PACS1: variants seen among roughly 807,000 people sequenced by gnomAD.
PACS1 encodes the protein phosphofurin acidic cluster sorting protein 1.
Under a neutral mutation model 115.0 loss-of-function variants are expected in PACS1, and 24 were observed. The observed-to-expected ratio is 0.21, with a 90% confidence interval of 0.15 to 0.29. PACS1 has a LOEUF of 0.29. Ranked by LOEUF, PACS1 falls within the 10% of genes least tolerant of loss-of-function variation. PACS1 has a pLI of 1.00. For missense variants in PACS1, 838 were observed against 1,251.2 expected (o/e 0.67, Z 4.98); for synonymous variants, 453 against 504.5 (o/e 0.90, Z 1.37).
intron 2 of PACS1, among the ~76,000 whole-genome samples, chr11:66,208,302 G>A (rs1461431977): frequency 1.3e-5 from 2 of 152,064 alleles, no homozygotes; most frequent in East Asian, 3.8e-4. Flanking sequence ...CGTGAGAGAT[G>A]AGCAGCTCAA....
At chr11:66,120,894 C>A (rs184110748) in intron 1 of PACS1, 2 of 407,090 alleles carry the variant, frequency 4.9e-6, no homozygotes, top group Non-Finnish European at 1.0e-5. Flanking sequence ...CAAGGGACGT[C>A]TTCATGAAGT....
chr11:66,117,359 G>A (rs1403762934), intron 1 of PACS1, among the ~76,000 whole-genome samples: 3 of 151,578 alleles, frequency 2.0e-5, no homozygotes, highest in Non-Finnish European at 4.4e-5. Context: ...TACTCAGGAG[G>A]CTGAGTCAAG....
intron 1 of PACS1, among the ~76,000 whole-genome samples, chr11:66,147,485 A>C (rs1859153475): frequency 6.6e-6 from 1 of 152,220 alleles, no homozygotes; most frequent in Non-Finnish European, 1.5e-5. Flanking sequence ...AAAGTAGTAA[A>C]GAACATTCTC....
chr11:66,135,816 C>T (rs1565120026), intron 1 of PACS1, among the ~76,000 whole-genome samples: 1 of 152,122 alleles, frequency 6.6e-6, no homozygotes, highest in African/African-American at 2.4e-5. Context: ...ACCACCATGC[C>T]TGGCTAATTT....
chr11:66,128,332 AGT>A (rs1858625007), intron 1 of PACS1, among the ~76,000 whole-genome samples: 1 of 152,262 alleles, frequency 6.6e-6, no homozygotes, highest in Non-Finnish European at 1.5e-5. Context: ...TTGTTAGTTA[AGT>A]GTGAAAATTG....
chr11:66,150,567 A>G (rs2134607693), intron 1 of PACS1, among the ~76,000 whole-genome samples: 1 of 152,342 alleles, frequency 6.6e-6, no homozygotes, highest in South Asian at 2.1e-4. Context: ...ATTTCTAAAG[A>G]CAATTAGGAC....
chr11:66,162,795 T>C (rs935506717), intron 1 of PACS1, among the ~76,000 whole-genome samples: 3 of 152,412 alleles, frequency 2.0e-5, no homozygotes, highest in African/African-American at 7.2e-5. Flanking sequence ...CTAAGACTAA[T>C]GCGTCTATTA....
At chr11:66,104,212 G>A (rs770756207) in intron 1 of PACS1, among the ~76,000 whole-genome samples, 5 of 152,310 alleles carry the variant, frequency 3.3e-5, no homozygotes, top group South Asian at 2.1e-4. Flanking sequence ...GGGACCGTGT[G>A]TAAGTGAAAG....
intron 1 of PACS1, among the ~76,000 whole-genome samples, chr11:66,104,831 T>C (rs1256975242): frequency 1.3e-5 from 2 of 152,262 alleles, no homozygotes; most frequent in Non-Finnish European, 2.9e-5. Flanking sequence ...GATTTTATAT[T>C]GTGAACTAAG....
chr11:66,217,471 C>T (rs1855240260), intron 7 of PACS1: 1 of 439,274 alleles, frequency 2.3e-6, no homozygotes, highest in South Asian at 1.6e-5. Context: ...GAATTCACAG[C>T]TCCATTTACC....
At chr11:66,124,061 C>G (rs1858514326) in intron 1 of PACS1, among the ~76,000 whole-genome samples, 4 of 152,194 alleles carry the variant, frequency 2.6e-5, no homozygotes, top group Admixed American at 2.0e-4. Context: ...GCAGCTTTGG[C>G]AATACCGTCT....
intron 1 of PACS1, among the ~76,000 whole-genome samples, chr11:66,192,868 A>G (rs1252765440): frequency 1.3e-5 from 2 of 152,198 alleles, no homozygotes; most frequent in South Asian, 2.1e-4. Flanking sequence ...GAATTTCTTG[A>G]TTTGTGGCAC....
chr11:66,175,223 TTTTTGTTTTG>T (rs750519300), intron 1 of PACS1, among the ~76,000 whole-genome samples: 2 of 152,094 alleles, frequency 1.3e-5, no homozygotes, highest in Non-Finnish European at 2.9e-5. Flanking sequence ...TACGGTTTTG[TTTTTGTTTTG>T]TTTTGTTTTG....
At chr11:66,206,517 C>T (rs1050434271) in intron 2 of PACS1, among the ~76,000 whole-genome samples, 1 of 152,144 alleles carries the variant, frequency 6.6e-6, no homozygotes, top group African/African-American at 2.4e-5. Context: ...TACCTGCACA[C>T]GCAGATTACT....
chr11:66,073,341 A>T (rs1286635843), intron 1 of PACS1, among the ~76,000 whole-genome samples: 1 of 152,230 alleles, frequency 6.6e-6, no homozygotes, highest in Non-Finnish European at 1.5e-5. Flanking sequence ...AGGGATTAAC[A>T]TTCTTGTCTC....
intron 10 of PACS1, among the ~76,000 whole-genome samples, chr11:66,224,074 G>A (rs186419260): frequency 2.2e-4 from 34 of 151,862 alleles, no homozygotes; most frequent in African/African-American, 6.8e-4. Context: ...ATGCACACCT[G>A]TAATCCCAGC....
At chr11:66,207,606 A>G (rs1322002828) in intron 2 of PACS1, among the ~76,000 whole-genome samples, 1 of 152,176 alleles carries the variant, frequency 6.6e-6, no homozygotes, top group East Asian at 1.9e-4. Context: ...TTCGGTCTTC[A>G]GTTGCCACTA....
At chr11:66,211,701 C>T (rs184180163) in intron 4 of PACS1, among the ~76,000 whole-genome samples, 1 of 152,294 alleles carries the variant, frequency 6.6e-6, no homozygotes, top group African/African-American at 2.4e-5. Context: ...ATTTCCTTAA[C>T]ATGAGAATAC....
chr11:66,191,438 C>T (rs768703672), intron 1 of PACS1, among the ~76,000 whole-genome samples: 17 of 152,122 alleles, frequency 1.1e-4, no homozygotes, highest in Non-Finnish European at 2.4e-4. Flanking sequence ...GTGGTGGGGG[C>T]TGGGTATTTG....
Sources: allele counts gnomAD v4.1 joint callset (sites outside exome capture counted in the v4.1 genomes callset), GRCh38; gene constraint gnomAD v4.1.1; transcripts MANE v1.5; gene names NCBI Gene and HGNC (gene_info 2026-07-23, HGNC 2026-07-21).